The following CDH23 variants were observed in gnomAD, a reference collection of about 807,000 sequenced individuals.
CDH23 encodes the protein cadherin related 23, also known as cadherin-23.
CDH23 carries 189 observed loss-of-function variants against 317.1 expected under a neutral mutation model. That is an observed-to-expected ratio of 0.60 (90% CI 0.53 to 0.67). CDH23 has a LOEUF of 0.67. Ranked by LOEUF, CDH23 falls within the 30% of genes least tolerant of loss-of-function variation. The probability of loss-of-function intolerance (pLI) is 0.00; values close to 1 mark genes in which losing one functional copy is unlikely to be tolerated. For synonymous variants in CDH23, 1,839 were observed against 1,876.8 expected (o/e 0.98, Z 0.52); for missense variants, 4,401 against 4,592.4 (o/e 0.96, Z 1.20).
chr10:71,631,075 T>C (rs904197329), intron 11 of CDH23, among the ~76,000 whole-genome samples: 1 of 151,990 alleles, frequency 6.6e-6, no homozygotes, highest in Non-Finnish European at 1.5e-5. Context: ...GAGACCCCCA[T>C]CTCTACAAAA....
intron 6 of CDH23, among the ~76,000 whole-genome samples, chr10:71,563,740 TTTTTTC>T (rs1857248820): frequency 2.0e-5 from 3 of 151,354 alleles, no homozygotes; most frequent in African/African-American, 7.3e-5. Flanking sequence ...TTTTTTTTTC[TTTTTTC>T]TTTTTTTTTT....
At position 71,777,704 on chromosome 10, in the gene CDH23, A is replaced by C. The variant is rs781055821; in HGVS notation, c.4870A>C (p.Ile1624Leu). The C allele has an allele frequency of 6.2e-7, 1 of 1,612,948 alleles. No homozygotes were observed. The highest frequency in any genetic ancestry group is 1.7e-5 in the Admixed American group (1 of 59,878). ...LSATTHVYVTIVDENDNAPMF... is the reference protein window; with the variant it reads ...LSATTHVYVTLVDENDNAPMF... The stretch of plus-strand genomic sequence containing the variant: ...GGCCACCACGCACGTGTACGTGACC[A>C]TTGTGGATGAGAATGATAACGCGCC... Residue 1624 changes from isoleucine (I) to leucine (L), a missense_variant, in exon 39 of 70, where the codon ATT becomes CTT. By Grantham distance (5) the Ile-to-Leu change is conservative. This residue lies in a region of CDH23 where 3,068 missense variants were observed against 3,203.3 expected (regional missense o/e 0.96). Coordinates refer to ENST00000224721, the MANE Select transcript of CDH23 (RefSeq NM_022124.6).
chr10:71,595,687 G>A (rs889927402), intron 9 of CDH23, among the ~76,000 whole-genome samples: 1 of 152,168 alleles, frequency 6.6e-6, no homozygotes, highest in African/African-American at 2.4e-5. Context: ...ACCTGCAGGG[G>A]CCTTCCCCTG....
rs369836147 is a variant in CDH23 at position 71,694,147 on chromosome 10, G to A, written c.2177G>A (p.Gly726Glu). ...STQFRINARSGEITTTSLLDR... is the reference protein window; with the variant it reads ...STQFRINARSEEITTTSLLDR... The stretch of plus-strand genomic sequence containing the variant: ...ACGCACCCACTTCTCTCTCTGGCAG[G>A]GGAAATCACCACCACGTCTCTGCTT... The change falls in exon 21 of 70, where the codon GGG becomes GAG. Residue 726 changes from glycine to glutamate, a missense_variant and splice_region_variant. Physicochemically the swap from Gly to Glu is moderately conservative, Grantham distance 98 (BLOSUM62 -2). Transcript: ENST00000224721. 6 of 1,613,518 alleles carry A rather than the reference G, an allele frequency of 3.7e-6. No individual in the cohort carries two copies. Among genetic ancestry groups the A allele is most frequent in the Non-Finnish European group, 5.1e-6 (6 of 1,179,642 alleles).
intron 3 of CDH23, among the ~76,000 whole-genome samples, chr10:71,501,658 G>T (rs1471618708): frequency 6.6e-6 from 1 of 152,190 alleles, no homozygotes; most frequent in Non-Finnish European, 1.5e-5. Context: ...AGGGTGGGAG[G>T]TGGGACCTAA....
rs7089309 is a variant in CDH23 at position 71,785,428 on chromosome 10, G to A, written c.5713-203G>A. 0.052 allele frequency among the ~76,000 whole-genome samples: 7,972 copies of A among 152,296 alleles called. 251 individuals carry two copies. The highest frequency in any genetic ancestry group is 0.12 in the Middle Eastern group (34 of 294). On this transcript the variant is annotated intron_variant, in intron 43 of 69. Coordinates refer to ENST00000224721, the MANE Select transcript of CDH23 (RefSeq NM_022124.6). ...GGCCAACAACACCATGGGGTCCTCC[G>A]AGGGCCATCTCTCAGAAGCAGCAAG...
At chr10:71,761,314 CA>C (rs1204479820) in intron 38 of CDH23, among the ~76,000 whole-genome samples, 1 of 152,230 alleles carries the variant, frequency 6.6e-6, no homozygotes, top group African/African-American at 2.4e-5. Context: ...ATGATGTCAT[CA>C]TGAGCAGTCA....
chr10:71,567,466 C>A (rs746665556), intron 7 of CDH23, among the ~76,000 whole-genome samples: 4 of 152,240 alleles, frequency 2.6e-5, no homozygotes, highest in Admixed American at 6.5e-5. Flanking sequence ...ACATTGCTGG[C>A]CCCTGGGAAT....
chr10:71,765,865 C>T (rs1029163847), intron 38 of CDH23, among the ~76,000 whole-genome samples: 1 of 152,100 alleles, frequency 6.6e-6, no homozygotes, highest in African/African-American at 2.4e-5. Flanking sequence ...GGAGAGGGTC[C>T]AGGACAAGCC....
At chr10:71,721,194 CTT>C (rs903811785) in intron 28 of CDH23, among the ~76,000 whole-genome samples, 5 of 152,220 alleles carry the variant, frequency 3.3e-5, no homozygotes, top group African/African-American at 1.2e-4. Flanking sequence ...ACGTGGCTCT[CTT>C]CACCATCCTG....
chr10:71,773,261 TGA>T (rs1246519844), intron 38 of CDH23: 13 of 1,371,234 alleles, frequency 9.5e-6, no homozygotes, highest in Non-Finnish European at 1.3e-5. Flanking sequence ...TCACACAGGC[TGA>T]GAGGGCCCCC....
chr10:71,765,031 T>C (rs1413608666), intron 38 of CDH23, among the ~76,000 whole-genome samples: 1 of 152,186 alleles, frequency 6.6e-6, no homozygotes, highest in Non-Finnish European at 1.5e-5. Context: ...TGGGTGTAGC[T>C]GCAAAACTAT....
At chr10:71,753,106 C>T (rs1840047821) in intron 38 of CDH23, 2 of 1,378,968 alleles carry the variant, frequency 1.5e-6, no homozygotes, top group South Asian at 2.5e-5. Flanking sequence ...GGAGCGAGCC[C>T]AGGAGGGCCC....
At chr10:71,662,639 G>A (rs115814108) in intron 14 of CDH23, among the ~76,000 whole-genome samples, 1 of 152,272 alleles carries the variant, frequency 6.6e-6, no homozygotes, top group African/African-American at 2.4e-5. Context: ...CAGACACGGT[G>A]TCTGTCCCCA....
intron 38 of CDH23, chr10:71,761,630 A>G: frequency 6.2e-7 from 1 of 1,608,298 alleles, no homozygotes; most frequent in South Asian, 1.1e-5. Flanking sequence ...GGCACCATGG[A>G]CCCTGTGCTC....
chr10:71,769,661 G>A (rs1840642692), intron 38 of CDH23, among the ~76,000 whole-genome samples: 1 of 152,206 alleles, frequency 6.6e-6, no homozygotes, highest in Non-Finnish European at 1.5e-5. Flanking sequence ...GGGGAAGTGT[G>A]TGTTTGTGTT....
chr10:71,738,671 A>G (rs1322667091), intron 35 of CDH23, 24 bp downstream of exon 35: 1 of 1,608,756 alleles, frequency 6.2e-7, no homozygotes. Context: ...TGAAACAGCC[A>G]GGATCCACCA....
At chr10:71,777,941 C>G (rs779136137) in intron 39 of CDH23, 40 bp downstream of exon 39, 2 of 1,604,722 alleles carry the variant, frequency 1.2e-6, no homozygotes, top group African/African-American at 2.7e-5. Context: ...GGGGCGAAAC[C>G]TATCCAGGGA....
intron 30 of CDH23, among the ~76,000 whole-genome samples, chr10:71,729,483 G>A (rs1170201789): frequency 1.3e-5 from 2 of 152,146 alleles, no homozygotes; most frequent in African/African-American, 2.4e-5. Flanking sequence ...TGCTCTCCAC[G>A]CCCATCAATC....
Sources: gnomAD v4.1 joint callset for allele counts (sites outside exome capture counted in the v4.1 genomes callset) on GRCh38, gnomAD v4.1.1 for gene constraint, gnomAD v4.1.1 regional missense constraint, MANE v1.5 for transcripts, NCBI Gene and HGNC (gene_info 2026-07-23, HGNC 2026-07-21) for gene names.